ERICH2: variants seen among roughly 807,000 people sequenced by gnomAD.
ERICH2 encodes the protein glutamate rich 2.
Under a neutral mutation model 17.4 loss-of-function variants are expected in ERICH2, and 17 were observed. The ratio of observed to expected loss-of-function variants is 0.98; its 90% CI spans 0.67 to 1.47. The LOEUF (loss-of-function observed/expected upper bound fraction) is 1.47. Among genes scored for constraint, ERICH2 ranks in the 40% most tolerant of loss-of-function variants. ERICH2 has a pLI of 0.00. For synonymous variants in ERICH2, 51 were observed against 61.1 expected, an observed-to-expected ratio of 0.83 and a Z score of 0.77; for missense variants, 186 against 183.2, an observed-to-expected ratio of 1.01 and a Z score of -0.09.
intron 2 of ERICH2, among the ~76,000 whole-genome samples, chr2:170,788,529 T>TTC (rs1410821477): frequency 6.6e-6 from 1 of 152,120 alleles, no homozygotes; most frequent in East Asian, 1.9e-4. Flanking sequence ...CTGAGTTCAG[T>TTC]GGCGTGATCT....
intron 3 of ERICH2, among the ~76,000 whole-genome samples, 157 bp from the exon 9 acceptor site, chr2:170,797,884 A>G (rs745481755): frequency 1.3e-5 from 2 of 151,840 alleles, no homozygotes; most frequent in African/African-American, 4.8e-5. Context: ...AATTTTCTCT[A>G]TTTGTACTCA....
chr2:170,772,244 C>G, the ERICH2 span, among the ~76,000 whole-genome samples: 3 of 152,184 alleles, frequency 2.0e-5, no homozygotes, highest in African/African-American at 7.2e-5. Context: ...CTTCTTTGCC[C>G]CATCCAGTTT....
intron 2 of ERICH2, among the ~76,000 whole-genome samples, chr2:170,787,119 A>T (rs529681456): frequency 6.6e-6 from 1 of 152,142 alleles, no homozygotes; most frequent in Admixed American, 6.6e-5. Context: ...CACAGGCATG[A>T]TCATGTTACA....
chr2:170,777,965 C>T, the ERICH2 span: 1 of 321,140 alleles, frequency 3.1e-6, no homozygotes, highest in Non-Finnish European at 5.6e-6. Flanking sequence ...TCATAATTTT[C>T]ATTGCTCATT....
chr2:170,784,918 G>A (rs565498338), intron 2 of ERICH2, 85 bp downstream of exon 7: 6 of 1,147,150 alleles, frequency 5.2e-6, no homozygotes, highest in Non-Finnish European at 6.9e-6. Context: ...ACTACTGTGA[G>A]AACTAAAAAA....
the ERICH2 span, among the ~76,000 whole-genome samples, chr2:170,774,564 C>CTTCTTTTTTTTTTTTT: frequency 3.5e-4 from 34 of 98,550 alleles, 2 homozygotes; most frequent in African/African-American, 1.7e-3. Flanking sequence ...AGAGCCCCAT[C>CTTCTTTTTTTTTTTTT]TTTTTTTTTT....
upstream of ERICH2, among the ~76,000 whole-genome samples, chr2:170,781,921 A>G (rs1468164235): frequency 6.6e-6 from 1 of 152,158 alleles, no homozygotes; most frequent in African/African-American, 2.4e-5. Context: ...CTCAAGGCTA[A>G]TTTTCTTAGT....
chr2:170,796,308 TA>T (rs1701414218), intron 3 of ERICH2, among the ~76,000 whole-genome samples: 1 of 152,146 alleles, frequency 6.6e-6, no homozygotes, highest in African/African-American at 2.4e-5. Flanking sequence ...TTAGTTATGT[TA>T]GTAGATTAGG....
intron 2 of ERICH2, among the ~76,000 whole-genome samples, chr2:170,787,333 A>C (rs1701181415): frequency 1.3e-5 from 1 of 79,854 alleles, no homozygotes. Context: ...TCTGGTGCAC[A>C]GCTAAGGTGC....
chr2:170,794,181 A>G (rs1419860718), intron 3 of ERICH2, among the ~76,000 whole-genome samples: 1 of 131,062 alleles, frequency 7.6e-6, no homozygotes, highest in East Asian at 2.2e-4. Context: ...ATCTCCGCTC[A>G]CTGCAACCTC....
At position 170,794,105 on chromosome 2, in the gene ERICH2, C is replaced by CTTTTT. The variant is rs59152667; in HGVS notation, c.274+1202_274+1206dup. Among the ~76,000 whole-genome samples the CTTTTT allele has an allele frequency of 6.0e-3, 530 of 88,096 alleles. 3 individuals are homozygous for CTTTTT. The highest frequency in any genetic ancestry group is 0.016 in the Middle Eastern group (2 of 124). 57.8% of individuals were successfully genotyped at this position (88,096 alleles called of 152,430 possible). A position where few individuals can be genotyped will look rare whatever the true frequency, so the allele number is the denominator to read the frequency against. On this transcript the variant is annotated intron_variant, in intron 3 of 4. Transcript: ENST00000409885. Reference sequence around the variant, plus strand: ...TTCCTTCCTTCTCTTTCCTTTCTTTCTTTTTTTTTTTTTTTTTTTTTGACA... The same window carrying CTTTTT: ...TTCCTTCCTTCTCTTTCCTTTCTTTCTTTTTTTTTTTTTTTTTTTTTTTTTTGACA...
chr2:170,784,599 C>T (rs569868087), intron 1 of ERICH2, 47 bp from the exon 7 acceptor site: 156 of 1,253,590 alleles, frequency 1.2e-4, no homozygotes, highest in Middle Eastern at 8.7e-4. Flanking sequence ...ATTTAATTTG[C>T]GAACTTTTCG....
chr2:170,790,803 C>CA (rs57351246), intron 2 of ERICH2, among the ~76,000 whole-genome samples: 3,370 of 67,460 alleles, frequency 0.05, 112 homozygotes, highest in Admixed American at 0.18. Flanking sequence ...GACTCCTTCT[C>CA]AAAAAAAAAA....
chr2:170,786,034 T>G (rs890561136), intron 2 of ERICH2, among the ~76,000 whole-genome samples: 1 of 152,192 alleles, frequency 6.6e-6, no homozygotes, highest in Admixed American at 6.5e-5. Context: ...ATACATTATT[T>G]TTTTTAATGG....
intron 2 of ERICH2, among the ~76,000 whole-genome samples, chr2:170,786,699 A>AT (rs1318387486): frequency 6.6e-6 from 1 of 151,790 alleles, no homozygotes; most frequent in Non-Finnish European, 1.5e-5. Context: ...TTTTTTTCAT[A>AT]TTTTTTTAGA....
At chr2:170,780,868 TGTG>T (rs1221432936), upstream of ERICH2, among the ~76,000 whole-genome samples, 1 of 152,210 alleles carries the variant, frequency 6.6e-6, no homozygotes, top group African/African-American at 2.4e-5. Flanking sequence ...TAATCACTAG[TGTG>T]GTGAACTTTT....
intron 3 of ERICH2, among the ~76,000 whole-genome samples, chr2:170,794,105 C>CTTTTTTTTTTTTTTTTTT (rs59152667): frequency 2.3e-5 from 2 of 88,166 alleles, no homozygotes; most frequent in African/African-American, 4.3e-5. Flanking sequence ...TCCTTTCTTT[C>CTTTTTTTTTTTTTTTTTT]TTTTTTTTTT....
upstream of ERICH2, among the ~76,000 whole-genome samples, chr2:170,781,014 A>G (rs1701012677): frequency 6.6e-6 from 1 of 152,210 alleles, no homozygotes; most frequent in Admixed American, 6.5e-5. Flanking sequence ...GAACAAATGT[A>G]AATCATCTTT....
At chr2:170,796,247 C>T (rs560147844) in intron 3 of ERICH2, among the ~76,000 whole-genome samples, 1 of 152,260 alleles carries the variant, frequency 6.6e-6, no homozygotes, top group South Asian at 2.1e-4. Context: ...TCCTTAAAAG[C>T]AGCTTCTAAG....
Sources: gnomAD v4.1 joint callset for allele counts (sites outside exome capture counted in the v4.1 genomes callset) on GRCh38, gnomAD v4.1.1 for gene constraint, MANE v1.5 for transcripts, NCBI Gene and HGNC (gene_info 2026-07-23, HGNC 2026-07-21) for gene names.